The following SLC37A1 variants were observed in gnomAD, a reference collection of about 807,000 sequenced individuals.
SLC37A1 encodes the protein solute carrier family 37 member 1, also known as glucose-6-phosphate exchanger SLC37A1.
In SLC37A1, 49 loss-of-function variants were observed where a neutral mutation model predicts 75.3. The ratio of observed to expected loss-of-function variants is 0.65; its 90% CI spans 0.52 to 0.83. The LOEUF is 0.83. Ranked by LOEUF, SLC37A1 falls within the 40% of genes least tolerant of loss-of-function variation. SLC37A1 has a pLI of 0.00. For synonymous variants in SLC37A1, 268 were observed against 292.1 expected, an observed-to-expected ratio of 0.92 and a Z score of 0.84; for missense variants, 566 against 695.0, an observed-to-expected ratio of 0.81 and a Z score of 2.09.
chr21:42,511,830 C>T (rs1283143225), upstream of SLC37A1, among the ~76,000 whole-genome samples: 1 of 151,996 alleles, frequency 6.6e-6, no homozygotes, highest in African/African-American at 2.4e-5. Flanking sequence ...GAAAAATATG[C>T]ATGACCTCAC....
chr21:42,572,677 C>CACACAA (rs1378861804), intron 17 of SLC37A1, among the ~76,000 whole-genome samples: 1 of 80,504 alleles, frequency 1.2e-5, no homozygotes, highest in African/African-American at 4.0e-5. Flanking sequence ...CACACACACA[C>CACACAA]AAAAAAAAAA....
chr21:42,570,847 G>A (rs1242631768), intron 17 of SLC37A1, among the ~76,000 whole-genome samples: 1 of 152,176 alleles, frequency 6.6e-6, no homozygotes, highest in Non-Finnish European at 1.5e-5. Flanking sequence ...CCAAGCAGGT[G>A]GAGGGAGGCA....
chr21:42,580,335 T>C lies in SLC37A1; in HGVS notation c.1587-10T>C, dbSNP rs750053319. The C allele has an allele frequency of 6.2e-7, 1 of 1,612,564 alleles. No homozygotes were observed. Among genetic ancestry groups the C allele is most frequent in the Non-Finnish European group, 8.5e-7 (1 of 1,179,490 alleles). ...TGTTAGAGCAGCTCTTCTTTCAACC[T>C]TTCTTTCAGATTTAAGGAACAGTGA... is the stretch of plus-strand genomic sequence containing the variant. On this transcript the variant is annotated splice_polypyrimidine_tract_variant and intron_variant, in intron 19 of 19. Coordinates refer to ENST00000352133, the MANE Select transcript of SLC37A1 (RefSeq NM_001320537.2).
At chr21:42,571,947 G>C (rs894355857) in intron 17 of SLC37A1, among the ~76,000 whole-genome samples, 2 of 152,208 alleles carry the variant, frequency 1.3e-5, no homozygotes, top group South Asian at 2.1e-4. Flanking sequence ...CTGTCACCAC[G>C]GTGCTGGGAG....
intron 15 of SLC37A1, among the ~76,000 whole-genome samples, chr21:42,566,339 G>A (rs544475915): frequency 6.6e-6 from 1 of 152,304 alleles, no homozygotes; most frequent in African/African-American, 2.4e-5. Flanking sequence ...CCAGGAGCCA[G>A]GGCAGGTGGC....
At position 42,518,260 on chromosome 21, in the gene SLC37A1, TCTC is replaced by T; in HGVS notation, c.-178-8_-178-6del. 1 of 620,686 alleles carries T rather than the reference TCTC, an allele frequency of 1.6e-6. No individual in the cohort carries two copies. The highest frequency in any genetic ancestry group is 3.0e-5 in the East Asian group (1 of 33,888). The allele number at this position is 620,686 out of a possible 1,614,324, so 38.4% of individuals were successfully genotyped here. On this transcript the variant is annotated splice_polypyrimidine_tract_variant and intron_variant, in intron 1 of 19. Coordinates refer to ENST00000352133, the MANE Select transcript of SLC37A1 (RefSeq NM_001320537.2). ...GTCACGACACTGGACTCTGAATGCC[TCTC>T]CTCCTCCTTGTAGAGAGCAGAGCCA...
chr21:42,514,724 T>A lies in SLC37A1; in HGVS notation c.-179+7T>A, dbSNP rs8127631. 0.82 allele frequency: 124,479 copies of A among 152,224 alleles called. 51,494 individuals carry two copies. The highest frequency in any genetic ancestry group is 0.87 in the African/African-American group (36,139 of 41,542). The allele number at this position is 152,224 out of a possible 1,614,324, so 9.4% of individuals were successfully genotyped here. A position where few individuals can be genotyped will look rare whatever the true frequency, so the allele number is the denominator to read the frequency against. Reference sequence around the variant, plus strand: ...AATCCTGGTGACCGAGAAGGTACGTTCAGTCTAAGGATTTGCATTTGAACG... The same window carrying A: ...AATCCTGGTGACCGAGAAGGTACGTACAGTCTAAGGATTTGCATTTGAACG... On this transcript the variant is annotated splice_region_variant and intron_variant, in intron 1 of 19. Coordinates refer to ENST00000352133, the MANE Select transcript of SLC37A1 (RefSeq NM_001320537.2). This position sits in a 1 kb window ranked among gnomAD's most constrained non-coding sequence, Gnocchi z 4.8.
chr21:42,526,413 G>T (rs2054793124), intron 3 of SLC37A1, among the ~76,000 whole-genome samples: 1 of 152,214 alleles, frequency 6.6e-6, no homozygotes, highest in African/African-American at 2.4e-5. Flanking sequence ...ACGTCACCCG[G>T]CCTGTAGACC....
chr21:42,559,233 C>A, intron 11 of SLC37A1, 144 bp downstream of exon 11: 3 of 1,014,364 alleles, frequency 3.0e-6, no homozygotes, highest in East Asian at 2.6e-5. Context: ...CTAGACGCTG[C>A]ACAGTGCTAG....
intron 3 of SLC37A1, among the ~76,000 whole-genome samples, chr21:42,529,888 G>A (rs908158957): frequency 6.6e-6 from 1 of 152,204 alleles, no homozygotes; most frequent in African/African-American, 2.4e-5. Context: ...GATGTCAAGC[G>A]TTAGCGCCTT....
chr21:42,543,745 G>A, intron 8 of SLC37A1, 143 bp downstream of exon 8: 1 of 778,426 alleles, frequency 1.3e-6, no homozygotes, highest in Non-Finnish European at 2.0e-6. Flanking sequence ...TCTTACCAGG[G>A]AGACTTCCCC....
At chr21:42,524,389 A>G (rs187419773) in intron 2 of SLC37A1, among the ~76,000 whole-genome samples, 1 of 151,788 alleles carries the variant, frequency 6.6e-6, no homozygotes, top group African/African-American at 2.4e-5. Flanking sequence ...TCTTCCTCAC[A>G]CTCATGCTGA....
At chr21:42,541,176 C>T (rs1292668275) in intron 6 of SLC37A1, among the ~76,000 whole-genome samples, 1 of 152,212 alleles carries the variant, frequency 6.6e-6, no homozygotes, top group African/African-American at 2.4e-5. Context: ...CAGTAGGGTT[C>T]GCGCTCCTAT....
rs228084 is a variant in SLC37A1, at chr21:42,548,105, G to T, written c.768+965G>T. Among the ~76,000 whole-genome samples the T allele has an allele frequency of 0.59, 89,421 of 151,972 alleles. 26,894 individuals are homozygous for T. Among genetic ancestry groups the T allele is most frequent in the Admixed American group, 0.7 (10,640 of 15,294 alleles). On this transcript the variant is annotated intron_variant, in intron 9 of 19. Transcript: ENST00000352133. The surrounding 1 kb of genome is among the most constrained non-coding windows in gnomAD (Gnocchi z 5.6). The stretch of plus-strand genomic sequence containing the variant: ...CTAACATGTTAGTCACGTCTGTGCC[G>T]AGTGTCAGACCCCAGATGTGGGGGT...
intron 2 of SLC37A1, among the ~76,000 whole-genome samples, chr21:42,525,137 C>T (rs541351457): frequency 2.0e-5 from 3 of 152,310 alleles, no homozygotes; most frequent in South Asian, 2.1e-4. Context: ...ACAGCAGCTC[C>T]GAGCTCCCTG....
At chr21:42,546,285 C>T (rs2055405136) in intron 8 of SLC37A1, among the ~76,000 whole-genome samples, 1 of 152,236 alleles carries the variant, frequency 6.6e-6, no homozygotes, top group African/African-American at 2.4e-5. Context: ...AGCCTCACTT[C>T]TGGTTCTGTT....
Position 42,533,486 on chromosome 21 carries a change from G to A in SLC37A1, c.139-1212G>A, listed in dbSNP as rs538541256. 1.6e-4 allele frequency among the ~76,000 whole-genome samples: 24 copies of A among 152,134 alleles called. No homozygotes were observed. In the South Asian group the frequency reaches 3.5e-3, roughly 22 times the overall value. ...TCCTCAGTTTCCCCCGCAACAAGAC[G>A]AGCCCCTGCCACATGTGGCGCTGTC... On this transcript the variant is annotated intron_variant, in intron 3 of 19. Transcript: ENST00000352133.
intron 5 of SLC37A1, among the ~76,000 whole-genome samples, chr21:42,536,651 G>A (rs1011337300): frequency 6.6e-6 from 1 of 152,220 alleles, no homozygotes; most frequent in South Asian, 2.1e-4. Context: ...GTAATGTGGT[G>A]GAGGGCGTCA....
chr21:42,572,805 C>G (rs374175863), intron 17 of SLC37A1, among the ~76,000 whole-genome samples: 2,692 of 150,488 alleles, frequency 0.018, 79 homozygotes, highest in African/African-American at 0.062. Context: ...TTCTTCTCCT[C>G]CAGGCTCCCT....
Sources: allele counts gnomAD v4.1 joint callset (sites outside exome capture counted in the v4.1 genomes callset), GRCh38; gene constraint gnomAD v4.1.1; non-coding constraint Gnocchi (gnomAD v3.1); transcripts MANE v1.5; gene names NCBI Gene and HGNC (gene_info 2026-07-23, HGNC 2026-07-21).